The following NRXN1 variants were observed in gnomAD, a reference collection of about 807,000 sequenced individuals.
NRXN1 encodes the protein neurexin-1.
Under a neutral mutation model 150.9 loss-of-function variants are expected in NRXN1, and 39 were observed. The observed-to-expected ratio is 0.26, with a 90% CI of 0.20 to 0.34. The LOEUF (loss-of-function observed/expected upper bound fraction) is 0.34. Among genes scored for constraint, NRXN1 ranks in the 10% least tolerant of loss-of-function variants. The probability of loss-of-function intolerance (pLI) is 1.00; values close to 1 mark genes in which losing one functional copy is unlikely to be tolerated. For missense variants in NRXN1, 1,815 were observed against 1,949.9 expected, an observed-to-expected ratio of 0.93 and a Z score of 1.30; for synonymous variants, 924 against 757.0, an observed-to-expected ratio of 1.22 and a Z score of -3.62.
At chr2:50,245,743 T>C (rs1023102209) in intron 17 of NRXN1, among the ~76,000 whole-genome samples, 2 of 151,454 alleles carry the variant, frequency 1.3e-5, no homozygotes, top group African/African-American at 2.4e-5. Context: ...GTCTAAAAAA[T>C]GTCCAGTTTA....
At chr2:50,222,978 C>G (rs547894550) in intron 18 of NRXN1, among the ~76,000 whole-genome samples, 4 of 151,768 alleles carry the variant, frequency 2.6e-5, no homozygotes, top group Non-Finnish European at 5.9e-5. Context: ...TTTTTCAATA[C>G]AAATTTTTAT....
chr2:50,843,739 C>T (rs1037939894), intron 5 of NRXN1, among the ~76,000 whole-genome samples: 1 of 152,054 alleles, frequency 6.6e-6, no homozygotes, highest in Non-Finnish European at 1.5e-5. Flanking sequence ...CCCAGGTAAA[C>T]AACTTGATGG....
chr2:49,968,624 CT>C (rs1677381627), intron 21 of NRXN1, among the ~76,000 whole-genome samples: 1 of 151,956 alleles, frequency 6.6e-6, no homozygotes, highest in African/African-American at 2.4e-5. Context: ...TTTGTGTTAC[CT>C]TTTATTTCGT....
At chr2:50,440,222 G>C (rs370181735) in intron 17 of NRXN1, among the ~76,000 whole-genome samples, 1 of 152,082 alleles carries the variant, frequency 6.6e-6, no homozygotes, top group African/African-American at 2.4e-5. Flanking sequence ...TGATTAGAAA[G>C]GGGGAAGGAA....
rs1465222702 is a variant in NRXN1, at chr2:50,053,330, T to A, written c.4069A>T (p.Thr1357Ser). Residue 1357 changes from threonine (T) to serine (S), a missense_variant, in exon 21 of 23, where the codon ACC becomes TCC. Thr to Ser is a moderately conservative substitution (Grantham distance 58). Transcript: ENST00000401669. Reference protein sequence around the residue: ...MSTSIMETTTTLATSTARRGK... With the variant: ...MSTSIMETTTSLATSTARRGK... ...CTTCTGGCTGTGCTAGTAGCCAGGG[T>A]CGTGGTAGTCTCCATAATTGATGTG... The A allele has an allele frequency of 3.1e-6, 5 of 1,614,002 alleles. No individual in the cohort carries two copies. Among genetic ancestry groups the A allele is most frequent in the Non-Finnish European group, 4.2e-6 (5 of 1,179,922 alleles).
At chr2:50,216,696 C>A (rs1465847595) in intron 18 of NRXN1, among the ~76,000 whole-genome samples, 1 of 151,826 alleles carries the variant, frequency 6.6e-6, no homozygotes, top group Non-Finnish European at 1.5e-5. Context: ...CCTTAGGGAA[C>A]AAAATGACTA....
intron 18 of NRXN1, among the ~76,000 whole-genome samples, chr2:50,200,341 G>T (rs958016979): frequency 1.1e-4 from 17 of 152,090 alleles, no homozygotes; most frequent in African/African-American, 3.6e-4. Flanking sequence ...ACTGTCTGGA[G>T]TCATAATTAA....
At chr2:50,225,065 A>G (rs1364826029) in intron 18 of NRXN1, among the ~76,000 whole-genome samples, 1 of 152,024 alleles carries the variant, frequency 6.6e-6, no homozygotes, top group Non-Finnish European at 1.5e-5. Context: ...AATCCATTTC[A>G]TGACAGGCCT....
chr2:50,049,775 A>G (rs1031349791), intron 21 of NRXN1, among the ~76,000 whole-genome samples: 1 of 152,068 alleles, frequency 6.6e-6, no homozygotes, highest in Non-Finnish European at 1.5e-5. Flanking sequence ...TAATTAGAAG[A>G]GGGGGAACAT....
chr2:49,962,905 A>C (rs1676247258), intron 21 of NRXN1, among the ~76,000 whole-genome samples: 1 of 152,058 alleles, frequency 6.6e-6, no homozygotes. Flanking sequence ...GTGAGCTATG[A>C]TCATGCAACT....
At chr2:50,444,104 T>C (rs765180874) in intron 17 of NRXN1, among the ~76,000 whole-genome samples, 12 of 152,186 alleles carry the variant, frequency 7.9e-5, no homozygotes, top group Non-Finnish European at 1.2e-4. Context: ...GTGTGCTTTA[T>C]AAATTTCCGT....
intron 21 of NRXN1, among the ~76,000 whole-genome samples, chr2:49,954,832 A>T: frequency 6.6e-6 from 1 of 152,066 alleles, no homozygotes; most frequent in Admixed American, 6.6e-5. Flanking sequence ...CTGCTTAGTG[A>T]TATGTTTTAT....
chr2:50,910,625 G>T (rs1260684454), intron 5 of NRXN1, among the ~76,000 whole-genome samples: 1 of 151,780 alleles, frequency 6.6e-6, no homozygotes, highest in Admixed American at 6.6e-5. Flanking sequence ...GCCTTCAGGG[G>T]TATCACATTC....
intron 18 of NRXN1, among the ~76,000 whole-genome samples, chr2:50,112,286 G>T (rs1194318356): frequency 6.6e-6 from 1 of 152,050 alleles, no homozygotes; most frequent in Non-Finnish European, 1.5e-5. Context: ...ACTCCCTTGG[G>T]TCCTTATTAC....
intron 2 of NRXN1, among the ~76,000 whole-genome samples, chr2:51,015,492 A>G (rs908127506): frequency 6.6e-6 from 1 of 152,016 alleles, no homozygotes; most frequent in Non-Finnish European, 1.5e-5. Context: ...ATTCTTCTTT[A>G]TTGCCAAGAA....
At chr2:50,788,400 T>A (rs929526538) in intron 5 of NRXN1, among the ~76,000 whole-genome samples, 1 of 152,122 alleles carries the variant, frequency 6.6e-6, no homozygotes, top group African/African-American at 2.4e-5. Flanking sequence ...CCACTGGTTT[T>A]AAGCACTTTA....
intron 17 of NRXN1, among the ~76,000 whole-genome samples, chr2:50,464,687 A>C (rs1302053361): frequency 1.3e-5 from 2 of 151,920 alleles, no homozygotes; most frequent in African/African-American, 2.4e-5. Flanking sequence ...TATTCTCTTA[A>C]TATAGCAGAA....
At chr2:50,945,395 T>G (rs1276460735) in intron 2 of NRXN1, among the ~76,000 whole-genome samples, 2 of 151,806 alleles carry the variant, frequency 1.3e-5, no homozygotes, top group African/African-American at 4.8e-5. Flanking sequence ...GCCCAAGAGG[T>G]GGAGGATGCA....
Position 50,329,671 on chromosome 2 carries a change from ATATTTTT to A in NRXN1, c.3365-92708_3365-92702del, listed in dbSNP as rs2076697033. ...TATATATATATATATATATATATAT[ATATTTTT>A]TTTTTTCCCCCCCGAGACGGAGTCT... On this transcript the variant is annotated intron_variant, in intron 17 of 22. Coordinates refer to ENST00000401669, the MANE Select transcript of NRXN1 (RefSeq NM_001330078.2). Among the ~76,000 whole-genome samples, 8 of 20,686 alleles carry A rather than the reference ATATTTTT, an allele frequency of 3.9e-4. 1 individual carries two copies. The highest frequency in any genetic ancestry group is 1.2e-3 in the African/African-American group (5 of 4,052). The allele number at this position is 20,686 out of a possible 152,430, so 13.6% of individuals were successfully genotyped here. A position where few individuals can be genotyped will look rare whatever the true frequency, so the allele number is the denominator to read the frequency against.
Sources: gnomAD v4.1 joint callset for allele counts (sites outside exome capture counted in the v4.1 genomes callset) on GRCh38, gnomAD v4.1.1 for gene constraint, MANE v1.5 for transcripts, NCBI Gene and HGNC (gene_info 2026-07-23, HGNC 2026-07-21) for gene names.